MEN1: variants seen among roughly 807,000 people sequenced by gnomAD.
MEN1 encodes menin.
Under a neutral mutation model 58.0 loss-of-function variants are expected in MEN1, and 6 were observed. The ratio of observed to expected loss-of-function variants is 0.10; its 90% CI spans 0.06 to 0.20. The LOEUF (loss-of-function observed/expected upper bound fraction) is 0.20. MEN1 is among the 10% of genes least tolerant of loss of function. The pLI is 1.00. For synonymous variants in MEN1, 346 were observed against 350.7 expected, an observed-to-expected ratio of 0.99 and a Z score of 0.15; for missense variants, 492 against 818.5, an observed-to-expected ratio of 0.60 and a Z score of 4.87.
At chr11:64,808,863 G>A (rs1353532488) in intron 2 of MEN1, among the ~76,000 whole-genome samples, 1 of 151,792 alleles carries the variant, frequency 6.6e-6, no homozygotes, top group Non-Finnish European at 1.5e-5. Context: ...CAGGAGGCAG[G>A]AGAATGGCAT....
At position 64,810,121 on chromosome 11, in the gene MEN1, G is replaced by A. The variant is rs756481435; in HGVS notation, c.-12C>T. Reference sequence around the variant, plus strand: ...GCCTTCAGCCCCATGGCGGCGGGCGGTGGGCGGCGGCCTGCAAGGCAAGCC... The same window carrying A: ...GCCTTCAGCCCCATGGCGGCGGGCGATGGGCGGCGGCCTGCAAGGCAAGCC... On this transcript the variant is annotated 5_prime_UTR_variant, in exon 2 of 10. Transcript: ENST00000450708. 3 of 1,542,764 alleles carry A rather than the reference G, an allele frequency of 1.9e-6. No homozygotes were observed. Among genetic ancestry groups the A allele is most frequent in the Non-Finnish European group, 2.6e-6 (3 of 1,146,972 alleles).
chr11:64,810,160 T>TG, intron 1 of MEN1, 28 bp from the exon 2 acceptor site: 1 of 450,306 alleles, frequency 2.2e-6, no homozygotes, highest in Non-Finnish European at 4.2e-6. Flanking sequence ...GGAGGGAGGG[T>TG]CGGGCAGGTT....
rs1387157979 is a variant in MEN1 at position 64,804,537 on chromosome 11, G to A, written c.1630C>T (p.Pro544Ser). The A allele has an allele frequency of 5.0e-6, 8 of 1,613,948 alleles. No homozygotes were observed. Among genetic ancestry groups the A allele is most frequent in the Non-Finnish European group, 4.2e-6 (5 of 1,180,006 alleles). The change falls in exon 10 of 10, where the codon CCA (proline) becomes TCA (serine). Residue 544 changes from proline to serine, a missense_variant. Physicochemically the swap from Pro to Ser is moderately conservative, Grantham distance 74 (BLOSUM62 -1). Around this residue, in one of 5 missense-constraint regions of MEN1, gnomAD observed 79 missense variants for 82.5 expected, o/e 0.96. Transcript: ENST00000450708. The surrounding 1 kb of genome is among the most constrained non-coding windows in gnomAD (Gnocchi z 4.2). ...GTGAGCACTGGACCCTCCGGCGGTG[G>A]TGATGCTGTGGGTGCTGGCACCTGA... is the stretch of plus-strand genomic sequence containing the variant. ...TAQVPAPTASPPPEGPVLTFQ... is the reference protein window; with the variant it reads ...TAQVPAPTASSPPEGPVLTFQ...
rs1941974446 is a variant in MEN1, at chr11:64,809,653, C to T, written c.445+12G>A. 6.2e-7 allele frequency: 1 copy of T among 1,613,830 alleles called. No individual in the cohort carries two copies. Among genetic ancestry groups the T allele is most frequent in the Non-Finnish European group, 8.5e-7 (1 of 1,179,812 alleles). Reference sequence around the variant, plus strand: ...GGGTCATGGATAAGATTCCCACCTACTGGGCTCCAACCTGTGATGAAGCTG... The same window carrying T: ...GGGTCATGGATAAGATTCCCACCTATTGGGCTCCAACCTGTGATGAAGCTG... On this transcript the variant is annotated intron_variant, in intron 2 of 9. Coordinates refer to ENST00000450708, the MANE Select transcript of MEN1 (RefSeq NM_001370259.2).
Position 64,805,032 on chromosome 11 carries a change from A to C in MEN1, c.1350+2T>G. On this transcript the variant is annotated splice_donor_variant, in intron 9 of 9. Transcript: ENST00000450708. LOFTEE classifies it high-confidence loss of function. The stretch of plus-strand genomic sequence containing the variant: ...CCAGACCTCTGTGCAGCTGTCCCTC[A>C]CCTGTCCCTCAAAACGGCCTAGGGA... 6.2e-7 allele frequency: 1 copy of C among 1,613,570 alleles called. No individual in the cohort carries two copies. Among genetic ancestry groups the C allele is most frequent in the Non-Finnish European group, 8.5e-7 (1 of 1,179,998 alleles).
chr11:64,809,125 A>G (rs1941941067), intron 2 of MEN1, among the ~76,000 whole-genome samples: 1 of 150,706 alleles, frequency 6.6e-6, no homozygotes, highest in Non-Finnish European at 1.5e-5. Flanking sequence ...ATTAACCAGC[A>G]CCACGGTGCA....
rs201091135 is a variant in MEN1, at chr11:64,805,665, C to A, written c.1155G>T (p.Ala385=). The part of the protein sequence containing the change: ...LLKEAASLLE[A]GEERPGEQSQ... ...TTTGCTCCCCCGGCCGCTCCTCGCC[C>A]GCCTCCAGCAAGCTGGCTGCCTCCT... The change falls in exon 8 of 10, where the codon GCG becomes GCT. Residue 385 remains alanine, a synonymous_variant. Coordinates refer to ENST00000450708, the MANE Select transcript of MEN1 (RefSeq NM_001370259.2). The A allele has an allele frequency of 6.2e-7, 1 of 1,613,998 alleles. No homozygotes were observed. Among genetic ancestry groups the A allele is most frequent in the Non-Finnish European group, 8.5e-7 (1 of 1,180,014 alleles).
rs2136135239 is a variant in MEN1, at chr11:64,807,243, T to A, written c.784-24A>T. On this transcript the variant is annotated intron_variant, in intron 4 of 9. Transcript: ENST00000450708. This position sits in a 1 kb window ranked among gnomAD's most constrained non-coding sequence, Gnocchi z 4.9. The stretch of plus-strand genomic sequence containing the variant: ...TTCTAGGAGCCGAAGGAGAGAGTTA[T>A]GAGCCACGGAACAGGGAGGAGAACG... 1.2e-6 allele frequency: 2 copies of A among 1,610,672 alleles called. No individual in the cohort carries two copies. Among genetic ancestry groups the A allele is most frequent in the Non-Finnish European group, 1.7e-6 (2 of 1,179,330 alleles).
In MEN1 at chr11:64,809,741, A is replaced by C; in HGVS notation, c.369T>G (p.Asp123Glu). 6.2e-7 allele frequency: 1 copy of C among 1,614,126 alleles called. No homozygotes were observed. The highest frequency in any genetic ancestry group is 8.5e-7 in the Non-Finnish European group (1 of 1,180,016). ...SSRELVKKVS[D>E]VIWNSLSRSY... ...AGCGGCTGAGGCTGTTCCATATGAC[A>C]TCGGAGACCTTCTTCACCAGCTCAC... Residue 123 changes from aspartate to glutamate, a missense_variant, in exon 2 of 10, where the codon GAT (aspartate) becomes GAG (glutamate). Physicochemically the swap from Asp to Glu is conservative, Grantham distance 45. Coordinates refer to ENST00000450708, the MANE Select transcript of MEN1 (RefSeq NM_001370259.2).
In MEN1 at chr11:64,807,269, G is replaced by A. The variant is rs1941798872; in HGVS notation, c.784-50C>T. The A allele has an allele frequency of 6.3e-7, 1 of 1,593,712 alleles. No individual in the cohort carries two copies. Among genetic ancestry groups the A allele is most frequent in the Non-Finnish European group, 8.5e-7 (1 of 1,171,080 alleles). ...GAGCCACGGAACAGGGAGGAGAACG[G>A]GTCCTTAGCCTATCGGGCAGAGGTG... On this transcript the variant is annotated intron_variant, in intron 4 of 9. Transcript: ENST00000450708. This position sits in a 1 kb window ranked among gnomAD's most constrained non-coding sequence, Gnocchi z 4.9.
upstream of MEN1, chr11:64,811,047 CTCGTT>C (rs1942079706): frequency 6.6e-6 from 1 of 152,102 alleles, no homozygotes. Flanking sequence ...GTGTGCAGCA[CTCGTT>C]TCCCACTTCC....
chr11:64,810,203 G>A (rs1302811924), intron 1 of MEN1, 71 bp from the exon 2 acceptor site: 4 of 960,636 alleles, frequency 4.2e-6, no homozygotes, highest in Non-Finnish European at 6.1e-6. Context: ...GGTCCGCTAA[G>A]GTTCCACCCG....
intron 2 of MEN1, 88 bp downstream of exon 2, chr11:64,809,577 G>A (rs976256044): frequency 9.9e-6 from 15 of 1,521,808 alleles, no homozygotes; most frequent in Non-Finnish European, 1.4e-5. Flanking sequence ...ACCTCACAAG[G>A]CTTACAGTTC....
rs2136181539 is a variant in MEN1, at chr11:64,809,742, T to C, written c.368A>G (p.Asp123Gly). The C allele has an allele frequency of 6.2e-7, 1 of 1,614,082 alleles. No individual in the cohort carries two copies. Among genetic ancestry groups the C allele is most frequent in the Non-Finnish European group, 8.5e-7 (1 of 1,180,004 alleles). ...SSRELVKKVS[D>G]VIWNSLSRSY... ...GCGGCTGAGGCTGTTCCATATGACA[T>C]CGGAGACCTTCTTCACCAGCTCACG... The change falls in exon 2 of 10, where the codon GAT becomes GGT. Residue 123 changes from aspartate to glycine, a missense_variant. By Grantham distance (94) the Asp-to-Gly change is moderately conservative (BLOSUM62 -1). This residue lies in a region of MEN1 where 335 missense variants were observed against 550.3 expected (regional missense o/e 0.61). Transcript: ENST00000450708.
At chr11:64,805,543 C>T in intron 8 of MEN1, 92 bp downstream of exon 8, 2 of 1,520,840 alleles carry the variant, frequency 1.3e-6, no homozygotes. Context: ...CTCCTGCCAT[C>T]CCTAATCCCG....
At chr11:64,809,628 G>C (rs1941972610) in intron 2 of MEN1, 37 bp downstream of exon 2, 1 of 1,610,834 alleles carries the variant, frequency 6.2e-7, no homozygotes, top group Non-Finnish European at 8.5e-7. Context: ...TTGAAGAAGT[G>C]GGTCATGGAT....
intron 2 of MEN1, among the ~76,000 whole-genome samples, chr11:64,809,083 G>C (rs1033926273): frequency 2.0e-5 from 3 of 151,556 alleles, no homozygotes; most frequent in Admixed American, 2.0e-4. Context: ...GCCACATAGT[G>C]AGACACCATC....
In MEN1 at chr11:64,804,663, T is replaced by C. The variant is rs1941538402; in HGVS notation, c.1504A>G (p.Lys502Glu). 6.3e-7 allele frequency: 1 copy of C among 1,598,266 alleles called. No individual in the cohort carries two copies. The highest frequency in any genetic ancestry group is 8.5e-7 in the Non-Finnish European group (1 of 1,175,938). Residue 502 changes from lysine (K) to glutamate (E), a missense_variant, in exon 10 of 10, where the codon AAG (lysine) becomes GAG (glutamate). Around this residue, in one of 5 missense-constraint regions of MEN1, gnomAD observed 79 missense variants for 82.5 expected, o/e 0.96. Coordinates refer to ENST00000450708, the MANE Select transcript of MEN1 (RefSeq NM_001370259.2). The surrounding 1 kb of genome is among the most constrained non-coding windows in gnomAD (Gnocchi z 4.2). ...GCACCCTGGCCGGTGCCCAGGCCCTTGTCCAGTGCTGGCTTCTTGGGCGGC... is the reference window on the plus strand; with the variant it reads ...GCACCCTGGCCGGTGCCCAGGCCCTCGTCCAGTGCTGGCTTCTTGGGCGGC... The part of the protein sequence containing the change: ...PPPPKKPALD[K>E]GLGTGQGAVS...
At chr11:64,806,734 T>A (rs2136125290) in intron 6 of MEN1, among the ~76,000 whole-genome samples, 1 of 152,096 alleles carries the variant, frequency 6.6e-6, no homozygotes, top group African/African-American at 2.4e-5. Context: ...TCCTGCCACA[T>A]TTGACCTCTG....
Sources: allele counts gnomAD v4.1 joint callset (sites outside exome capture counted in the v4.1 genomes callset), GRCh38; gene constraint gnomAD v4.1.1; regional missense constraint gnomAD v4.1.1; non-coding constraint Gnocchi (gnomAD v3.1); transcripts MANE v1.5; gene names NCBI Gene and HGNC (gene_info 2026-07-23, HGNC 2026-07-21).